ATP1A4: variants seen among roughly 807,000 people sequenced by gnomAD.
ATP1A4 encodes the protein sodium/potassium-transporting ATPase subunit alpha-4.
A neutral mutation model predicts 114.3 loss-of-function variants in ATP1A4; 90 were observed. The observed-to-expected ratio is 0.79, with a 90% CI of 0.66 to 0.94. ATP1A4 has a LOEUF of 0.94. Among genes scored for constraint, ATP1A4 ranks in the 40% least tolerant of loss-of-function variants. The pLI, the probability that ATP1A4 is intolerant of heterozygous loss-of-function variation, is 0.00. For synonymous variants in ATP1A4, 511 were observed against 494.1 expected (o/e 1.03, Z -0.45); for missense variants, 1,222 against 1,313.6 (o/e 0.93, Z 1.08).
intron 10 of ATP1A4, chr1:160,170,876 C>T (rs942034976): frequency 8.2e-5 from 14 of 170,126 alleles, no homozygotes; most frequent in South Asian, 3.4e-4. Context: ...TGAGCCGCTA[C>T]GCCTGGCCTT....
intron 6 of ATP1A4, among the ~76,000 whole-genome samples, chr1:160,163,947 A>G (rs1208475351): frequency 1.3e-5 from 2 of 152,110 alleles, no homozygotes; most frequent in Middle Eastern, 3.4e-3. Context: ...TGTGTCAGAC[A>G]CTCCTATCAC....
In ATP1A4 at chr1:160,177,646, C is replaced by G; in HGVS notation, c.2718C>G (p.Asp906Glu). The G allele has an allele frequency of 2.5e-6, 4 of 1,614,170 alleles. No individual in the cohort carries two copies. The highest frequency in any genetic ancestry group is 2.5e-6 in the Non-Finnish European group (3 of 1,180,024). Residue 906 changes from aspartate to glutamate, a missense_variant, in exon 18 of 22, where the codon GAC becomes GAG. Coordinates refer to ENST00000368081, the MANE Select transcript of ATP1A4 (RefSeq NM_144699.4). ...WEDKYLNDLE[D>E]SYGQQWTYEQ... ...ATAAATACTTGAATGACCTGGAGGA[C>G]AGCTACGGACAGCAGTGGGTGAGTA...
intron 20 of ATP1A4, among the ~76,000 whole-genome samples, chr1:160,183,953 C>CT (rs35692428): frequency 0.32 from 41,058 of 129,108 alleles, 7,187 homozygotes; most frequent in East Asian, 0.69. Flanking sequence ...ATTGATAATG[C>CT]TTTTTTTTTT....
intron 13 of ATP1A4, 118 bp downstream of exon 13, chr1:160,173,835 T>C: frequency 3.1e-6 from 4 of 1,303,758 alleles, no homozygotes; most frequent in Non-Finnish European, 4.2e-6. Flanking sequence ...ATGTGTGGGG[T>C]TTACACTACA....
rs777851738 is a variant in ATP1A4 at position 160,164,109 on chromosome 1, C to T, written c.779-47C>T. On this transcript the variant is annotated intron_variant, in intron 6 of 21. Coordinates refer to ENST00000368081, the MANE Select transcript of ATP1A4 (RefSeq NM_144699.4). Reference sequence around the variant, plus strand: ...GGGGCAGAGACCAATATCTATACTTCTTATCATATCACAACATCACATTGC... The same window carrying T: ...GGGGCAGAGACCAATATCTATACTTTTTATCATATCACAACATCACATTGC... 6.3e-6 allele frequency: 10 copies of T among 1,597,614 alleles called. No homozygotes were observed. The East Asian group carries it at 2.2e-4, about 36-fold the overall frequency.
chr1:160,153,667 T>A (rs868472942), intron 2 of ATP1A4, among the ~76,000 whole-genome samples: 7 of 152,316 alleles, frequency 4.6e-5, no homozygotes, highest in South Asian at 2.1e-4. Context: ...ATAACTGTAT[T>A]TTTCAAAACA....
chr1:160,177,523 G>T lies in ATP1A4; in HGVS notation c.2595G>T (p.Met865Ile). Residue 865 changes from methionine (M) to isoleucine (I), a missense_variant, in exon 18 of 22, where the codon ATG becomes ATT. Physicochemically the swap from Met to Ile is conservative, Grantham distance 10. Transcript: ENST00000368081. ...LIGMAYGQIG[M>I]IQALAGFFTY... ...CTGCAACTCTGTCATTCACAGGGAT[G>T]ATCCAGGCTCTGGCTGGATTCTTTA... is the stretch of plus-strand genomic sequence containing the variant. The T allele has an allele frequency of 1.2e-6, 2 of 1,614,012 alleles. No individual in the cohort carries two copies. Among genetic ancestry groups the T allele is most frequent in the Non-Finnish European group, 1.7e-6 (2 of 1,180,010 alleles).
intron 4 of ATP1A4, 49 bp from the exon 5 acceptor site, chr1:160,158,953 T>A (rs773979008): frequency 2.5e-6 from 4 of 1,585,786 alleles, no homozygotes; most frequent in Non-Finnish European, 3.4e-6. Flanking sequence ...AAGAGTGGGA[T>A]GAGGAAAGCC....
intron 4 of ATP1A4, 39 bp downstream of exon 4, chr1:160,156,197 A>G: frequency 7.4e-7 from 1 of 1,351,260 alleles, no homozygotes; most frequent in Non-Finnish European, 1.1e-6. Flanking sequence ...GAGCAGGAGC[A>G]GGATGTGGCC....
chr1:160,158,631 C>T (rs1453188559), intron 4 of ATP1A4, among the ~76,000 whole-genome samples: 1 of 152,080 alleles, frequency 6.6e-6, no homozygotes, highest in Non-Finnish European at 1.5e-5. Flanking sequence ...CCTCCCACCT[C>T]GGCCTCCCAG....
intron 20 of ATP1A4, among the ~76,000 whole-genome samples, chr1:160,185,513 C>G (rs937596721): frequency 6.6e-6 from 1 of 152,096 alleles, no homozygotes; most frequent in Non-Finnish European, 1.5e-5. Context: ...AGGCCGGGCA[C>G]GATGGCTCAT....
At position 160,185,437 on chromosome 1, in the gene ATP1A4, C is replaced by G. The variant is rs561666588; in HGVS notation, c.2970-839C>G. Among the ~76,000 whole-genome samples the G allele has an allele frequency of 2.5e-4, 38 of 152,024 alleles. 1 individual carries two copies. The Middle Eastern group carries it at 0.014, about 54-fold the overall frequency. ...TCACTGGCTCTTTATGTTTCTGTCTCGTGCCTCTCCTCTCCACTCCCGATC... is the reference window on the plus strand; with the variant it reads ...TCACTGGCTCTTTATGTTTCTGTCTGGTGCCTCTCCTCTCCACTCCCGATC... On this transcript the variant is annotated intron_variant, in intron 20 of 21. Transcript: ENST00000368081.
At chr1:160,185,914 G>A (rs1231321101) in intron 20 of ATP1A4, among the ~76,000 whole-genome samples, 6 of 130,718 alleles carry the variant, frequency 4.6e-5, no homozygotes, top group Non-Finnish European at 8.0e-5. Context: ...GTGAGACTCC[G>A]TCTCAAAAAA....
chr1:160,172,723 C>T (rs1653307866), intron 12 of ATP1A4, among the ~76,000 whole-genome samples: 1 of 152,128 alleles, frequency 6.6e-6, no homozygotes, highest in Non-Finnish European at 1.5e-5. Flanking sequence ...TTAAGGAGAA[C>T]TAGGTGTTCT....
At chr1:160,167,147 C>T (rs1653070246) in intron 9 of ATP1A4, 70 bp downstream of exon 9, 1 of 1,572,878 alleles carries the variant, frequency 6.4e-7, no homozygotes, top group Admixed American at 1.7e-5. Flanking sequence ...AAAAAATCCT[C>T]TCCTGGAGCT....
intron 6 of ATP1A4, among the ~76,000 whole-genome samples, chr1:160,162,856 T>C (rs1652909081): frequency 1.3e-5 from 2 of 152,108 alleles, no homozygotes; most frequent in African/African-American, 4.8e-5. Context: ...AGATAAGAAC[T>C]ATATAGGCAA....
chr1:160,179,057 G>A (rs1653589829), intron 18 of ATP1A4, among the ~76,000 whole-genome samples: 1 of 152,220 alleles, frequency 6.6e-6, no homozygotes, highest in South Asian at 2.1e-4. Flanking sequence ...AGCTGGACTT[G>A]AATTCTGGAC....
intron 4 of ATP1A4, among the ~76,000 whole-genome samples, 191 bp downstream of exon 4, chr1:160,156,349 GT>G (rs1558016848): frequency 7.0e-6 from 1 of 142,330 alleles, no homozygotes; most frequent in African/African-American, 2.5e-5. Flanking sequence ...AAGACATAAC[GT>G]CACCTATGAA....
At chr1:160,155,968 C>T in intron 3 of ATP1A4, 77 bp from the exon 4 acceptor site, 1 of 861,356 alleles carries the variant, frequency 1.2e-6, no homozygotes, top group Non-Finnish European at 2.0e-6. Context: ...ACTGCTGTGC[C>T]CCTTGCAGAC....
Sources: gnomAD v4.1 joint callset for allele counts (sites outside exome capture counted in the v4.1 genomes callset) on GRCh38, gnomAD v4.1.1 for gene constraint, MANE v1.5 for transcripts, NCBI Gene and HGNC (gene_info 2026-07-23, HGNC 2026-07-21) for gene names.